The following AFG1L variants were observed in gnomAD, a reference collection of about 807,000 sequenced individuals.
AFG1L encodes the protein AFG1 like ATPase, also known as AFG1-like ATPase.
A neutral mutation model predicts 62.2 loss-of-function variants in AFG1L; 53 were observed. That is an observed-to-expected ratio of 0.85 (90% CI 0.68 to 1.07). The LOEUF is 1.07. AFG1L is among the 50% of genes least tolerant of loss of function. AFG1L has a pLI of 0.00. For synonymous variants in AFG1L, 228 were observed against 210.3 expected (o/e 1.08, Z -0.73); for missense variants, 555 against 590.5 (o/e 0.94, Z 0.62).
intron 9 of AFG1L, 93 bp downstream of exon 9, chr6:108,477,028 G>A: frequency 8.5e-7 from 1 of 1,176,736 alleles, no homozygotes; most frequent in South Asian, 1.3e-5. Flanking sequence ...GCTGTATATG[G>A]GTTGATGCCA....
At chr6:108,400,700 T>TA (rs1491315596) in intron 6 of AFG1L, among the ~76,000 whole-genome samples, 116 of 51,792 alleles carry the variant, frequency 2.2e-3, no homozygotes, top group Non-Finnish European at 3.0e-3. Context: ...TATATATATA[T>TA]TATTATATAT....
chr6:108,411,194 G>A (rs1782093039), intron 7 of AFG1L, among the ~76,000 whole-genome samples: 2 of 152,316 alleles, frequency 1.3e-5, no homozygotes, highest in Non-Finnish European at 2.9e-5. Flanking sequence ...GAACTGCAAG[G>A]TGGCAGCGAG....
At chr6:108,314,059 A>G (rs1194153395) in intron 1 of AFG1L, among the ~76,000 whole-genome samples, 3 of 151,954 alleles carry the variant, frequency 2.0e-5, no homozygotes, top group African/African-American at 4.8e-5. Context: ...ACATGACCCC[A>G]TCTCTACTAA....
At chr6:108,484,545 C>T (rs1437943580) in intron 10 of AFG1L, among the ~76,000 whole-genome samples, 1 of 152,144 alleles carries the variant, frequency 6.6e-6, no homozygotes, top group East Asian at 1.9e-4. Context: ...ACCCTGAATC[C>T]TACAAGACCC....
At chr6:108,468,053 G>T (rs780207820) in intron 8 of AFG1L, among the ~76,000 whole-genome samples, 14 of 152,170 alleles carry the variant, frequency 9.2e-5, no homozygotes, top group African/African-American at 1.2e-4. Flanking sequence ...TCTCCCAAGT[G>T]TCAGCACCCC....
At chr6:108,355,397 G>C (rs1031594123) in intron 3 of AFG1L, among the ~76,000 whole-genome samples, 1 of 152,084 alleles carries the variant, frequency 6.6e-6, no homozygotes, top group African/African-American at 2.4e-5. Context: ...ATAGTTTTCA[G>C]GGGGAAATAG....
At chr6:108,357,469 T>C (rs992396700) in intron 5 of AFG1L, among the ~76,000 whole-genome samples, 5 of 152,202 alleles carry the variant, frequency 3.3e-5, no homozygotes, top group African/African-American at 1.2e-4. Context: ...TTGCAAAGCC[T>C]AAAATATTTA....
At chr6:108,302,872 A>G (rs1777060034) in intron 1 of AFG1L, among the ~76,000 whole-genome samples, 1 of 152,150 alleles carries the variant, frequency 6.6e-6, no homozygotes, top group South Asian at 2.1e-4. Flanking sequence ...AGAAACAATT[A>G]TGCTCCAAAT....
In AFG1L at chr6:108,323,990, A is replaced by C; in HGVS notation, c.305A>C (p.Gln102Pro). 1 of 1,614,216 alleles carries C rather than the reference A, an allele frequency of 6.2e-7. No individual in the cohort carries two copies. Among genetic ancestry groups the C allele is most frequent in the Non-Finnish European group, 8.5e-7 (1 of 1,180,008 alleles). Residue 102 changes from glutamine (Q) to proline (P), a missense_variant, in exon 2 of 13, where the codon CAG becomes CCG. By Grantham distance (76) the Gln-to-Pro change is moderately conservative (BLOSUM62 -1). Transcript: ENST00000368977. ...EHQRRVIQCL[Q>P]KLHEDLKGYN... ...CAAAGAAGAGTCATACAGTGTTTGC[A>C]GAAATTACACGAGGACCTTAAAGGA...
In AFG1L at chr6:108,503,571, T is replaced by TGCAC. The variant is rs1774287251; in HGVS notation, c.1063-6641_1063-6640insGCAC. On this transcript the variant is annotated intron_variant, in intron 10 of 12. Coordinates refer to ENST00000368977, the MANE Select transcript of AFG1L (RefSeq NM_145315.5). ...ATGTGCTGTCATCCAGGCTTTGTTG[T>TGCAC]TCCATTTTTAGGGCACAGGCAGAGT... Among the ~76,000 whole-genome samples, 6 of 152,364 alleles carry TGCAC rather than the reference T, an allele frequency of 3.9e-5. No individual in the cohort carries two copies. The South Asian group carries it at 1.2e-3, about 32-fold the overall frequency.
At chr6:108,476,978 A>G in intron 9 of AFG1L, 43 bp downstream of exon 9, 1 of 1,524,208 alleles carries the variant, frequency 6.6e-7, no homozygotes, top group Non-Finnish European at 9.1e-7. Context: ...CATTTAGAAC[A>G]CAATGCCCAA....
At chr6:108,414,934 G>A (rs1381739853) in intron 7 of AFG1L, among the ~76,000 whole-genome samples, 1 of 152,120 alleles carries the variant, frequency 6.6e-6, no homozygotes, top group Non-Finnish European at 1.5e-5. Context: ...AATCAGGCAA[G>A]GGAAAGAAAT....
At chr6:108,470,986 T>C (rs911314802) in intron 8 of AFG1L, among the ~76,000 whole-genome samples, 4 of 152,204 alleles carry the variant, frequency 2.6e-5, no homozygotes, top group Non-Finnish European at 5.9e-5. Flanking sequence ...ATTGTATGTA[T>C]CTCTTCATTT....
intron 2 of AFG1L, 93 bp from the exon 3 acceptor site, chr6:108,346,894 TG>T: frequency 1.1e-6 from 1 of 911,214 alleles, no homozygotes; most frequent in Non-Finnish European, 1.8e-6. Context: ...TAGCCCCTCT[TG>T]GTTCTGTATA....
chr6:108,441,712 A>AAAATAT lies in AFG1L; in HGVS notation c.808-5501_808-5500insAATATA, dbSNP rs1401294615. Among the ~76,000 whole-genome samples, 698 of 139,458 alleles carry AAAATAT rather than the reference A, an allele frequency of 5.0e-3. 4 individuals are homozygous for AAAATAT. The highest frequency in any genetic ancestry group is 0.016 in the African/African-American group (574 of 35,404). The allele number at this position is 139,458 out of a possible 152,430, so 91.5% of individuals were successfully genotyped here. ...ATCTGAGGTTTATTTAAAAAAAAAAAATATATATATATATATATAAACTGA... is the reference window on the plus strand; with the variant it reads ...ATCTGAGGTTTATTTAAAAAAAAAAAAAATATATATATATATATATATATAAACTGA... On this transcript the variant is annotated intron_variant, in intron 7 of 12. Transcript: ENST00000368977.
At chr6:108,446,446 G>C (rs1325475253) in intron 7 of AFG1L, among the ~76,000 whole-genome samples, 1 of 149,556 alleles carries the variant, frequency 6.7e-6, no homozygotes. Context: ...TGGTCATTTG[G>C]TTTAAAATGT....
chr6:108,400,674 TTA>T (rs1292919497), intron 6 of AFG1L, among the ~76,000 whole-genome samples: 1 of 102,490 alleles, frequency 9.8e-6, no homozygotes, highest in East Asian at 2.2e-4. Flanking sequence ...AATTTATATA[TTA>T]TATATTATAT....
intron 7 of AFG1L, among the ~76,000 whole-genome samples, chr6:108,437,445 G>T (rs934242818): frequency 2.6e-5 from 4 of 152,080 alleles, no homozygotes; most frequent in African/African-American, 7.2e-5. Flanking sequence ...GTGAGTATAT[G>T]GTGTTGTGTA....
chr6:108,341,405 T>C (rs1055141724), intron 2 of AFG1L, among the ~76,000 whole-genome samples: 17 of 152,242 alleles, frequency 1.1e-4, no homozygotes, highest in African/African-American at 3.4e-4. Context: ...TGTTTCTTTT[T>C]TCACGAATTA....
Sources: gnomAD v4.1 joint callset for allele counts (sites outside exome capture counted in the v4.1 genomes callset) on GRCh38, gnomAD v4.1.1 for gene constraint, MANE v1.5 for transcripts, NCBI Gene and HGNC (gene_info 2026-07-23, HGNC 2026-07-21) for gene names.